Variants in IMMP2L observed in about 807,000 individuals in gnomAD.
IMMP2L encodes the protein inner mitochondrial membrane peptidase subunit 2.
Under a neutral mutation model 19.3 loss-of-function variants are expected in IMMP2L, and 18 were observed. The ratio of observed to expected loss-of-function variants is 0.93; its 90% CI spans 0.64 to 1.38. IMMP2L has a LOEUF of 1.38. IMMP2L is among the 40% of genes most tolerant of loss of function. The probability of loss-of-function intolerance (pLI) is 0.00; values close to 1 mark genes in which losing one functional copy is unlikely to be tolerated. For synonymous variants in IMMP2L, 76 were observed against 73.0 expected, an observed-to-expected ratio of 1.04 and a Z score of -0.21; for missense variants, 233 against 218.2, an observed-to-expected ratio of 1.07 and a Z score of -0.43.
At chr7:111,192,294 T>C (rs1808968770) in intron 3 of IMMP2L, among the ~76,000 whole-genome samples, 1 of 152,164 alleles carries the variant, frequency 6.6e-6, no homozygotes, top group Admixed American at 6.5e-5. Context: ...AAAATAAAAA[T>C]ACTACACCAT....
chr7:110,805,380 A>C (rs1349296472), intron 5 of IMMP2L, among the ~76,000 whole-genome samples: 1 of 152,068 alleles, frequency 6.6e-6, no homozygotes, highest in Non-Finnish European at 1.5e-5. Flanking sequence ...AATTCCTGGA[A>C]TAAAATAGGC....
chr7:111,241,093 T>C (rs919846979), intron 3 of IMMP2L, among the ~76,000 whole-genome samples: 1 of 151,968 alleles, frequency 6.6e-6, no homozygotes, highest in Non-Finnish European at 1.5e-5. Context: ...GTTCGAATGG[T>C]AAATATTGTA....
At chr7:110,909,769 C>T (rs538283332) in intron 4 of IMMP2L, among the ~76,000 whole-genome samples, 6 of 152,228 alleles carry the variant, frequency 3.9e-5, no homozygotes. Flanking sequence ...CCTCTACCTA[C>T]AGTGGGCTCA....
At chr7:111,360,558 C>A (rs540447204) in intron 3 of IMMP2L, among the ~76,000 whole-genome samples, 1 of 152,250 alleles carries the variant, frequency 6.6e-6, no homozygotes, top group East Asian at 1.9e-4. Context: ...TGGCTCTTGC[C>A]TGTAATCCCA....
intron 3 of IMMP2L, among the ~76,000 whole-genome samples, chr7:111,304,468 C>T (rs1367203453): frequency 6.6e-6 from 1 of 151,536 alleles, no homozygotes; most frequent in Non-Finnish European, 1.5e-5. Flanking sequence ...AACGTTCAGC[C>T]ATTTGTAGAA....
At chr7:111,205,556 C>T (rs1586822385) in intron 3 of IMMP2L, among the ~76,000 whole-genome samples, 1 of 152,126 alleles carries the variant, frequency 6.6e-6, no homozygotes, top group East Asian at 1.9e-4. Context: ...TATTTTTCTC[C>T]CTCCTTCCAA....
At chr7:111,391,679 T>C (rs1454503502) in intron 3 of IMMP2L, among the ~76,000 whole-genome samples, 1 of 152,136 alleles carries the variant, frequency 6.6e-6, no homozygotes, top group Non-Finnish European at 1.5e-5. Context: ...CTGCCTTCGT[T>C]TTATACAGAA....
chr7:111,118,431 G>A (rs1416999684), intron 3 of IMMP2L, among the ~76,000 whole-genome samples: 1 of 152,004 alleles, frequency 6.6e-6, no homozygotes, highest in African/African-American at 2.4e-5. Flanking sequence ...AGTGTCCACA[G>A]GAATTGGATA....
intron 3 of IMMP2L, among the ~76,000 whole-genome samples, chr7:111,343,737 A>G (rs1827261273): frequency 6.6e-6 from 1 of 152,134 alleles, no homozygotes; most frequent in Non-Finnish European, 1.5e-5. Context: ...TATTTCCTGC[A>G]CAGAGAATTT....
chr7:111,481,517 T>C (rs1195327959), intron 3 of IMMP2L, among the ~76,000 whole-genome samples: 1 of 151,980 alleles, frequency 6.6e-6, no homozygotes, highest in Non-Finnish European at 1.5e-5. Flanking sequence ...TTAATAAGAA[T>C]CAAATAAAAG....
intron 3 of IMMP2L, among the ~76,000 whole-genome samples, chr7:111,285,237 T>C (rs905623682): frequency 2.0e-5 from 3 of 152,094 alleles, no homozygotes; most frequent in East Asian, 3.9e-4. Flanking sequence ...TTTAGTACAA[T>C]GTAACAGCCT....
At chr7:111,538,785 G>A (rs1194338322) in intron 1 of IMMP2L, among the ~76,000 whole-genome samples, 1 of 143,930 alleles carries the variant, frequency 6.9e-6, no homozygotes, top group Non-Finnish European at 1.5e-5. Flanking sequence ...ACTCCAGCCT[G>A]GGTGACAGAG....
At chr7:111,332,269 A>G (rs1026579964) in intron 3 of IMMP2L, among the ~76,000 whole-genome samples, 2 of 151,952 alleles carry the variant, frequency 1.3e-5, no homozygotes, top group African/African-American at 4.8e-5. Flanking sequence ...AAAGGTTACT[A>G]GAGAAAGAAG....
intron 3 of IMMP2L, among the ~76,000 whole-genome samples, chr7:111,177,528 TATA>T (rs1172273124): frequency 6.6e-6 from 1 of 152,030 alleles, no homozygotes; most frequent in Non-Finnish European, 1.5e-5. Context: ...CCTTCTCTCT[TATA>T]ATGATTAAAC....
At chr7:111,165,109 C>G (rs1207558692) in intron 3 of IMMP2L, among the ~76,000 whole-genome samples, 1 of 152,000 alleles carries the variant, frequency 6.6e-6, no homozygotes, top group African/African-American at 2.4e-5. Context: ...CTGGCAACCT[C>G]CATTCTTTCT....
chr7:111,123,562 T>G lies in IMMP2L; in HGVS notation c.240-159997A>C. The G allele has an allele frequency of 6.2e-7, 1 of 1,613,628 alleles. No individual in the cohort carries two copies. The highest frequency in any genetic ancestry group is 8.5e-7 in the Non-Finnish European group (1 of 1,179,724). On this transcript the variant is annotated intron_variant, in intron 3 of 5. Transcript: ENST00000405709. The surrounding 1 kb of genome is among the most constrained non-coding windows in gnomAD (Gnocchi z 6.4). Reference sequence around the variant, plus strand: ...TCTTCAAAAAGTTGTAAATCTCAAATTTTTGGATCTAAATAAAAATCCTAT... The same window carrying G: ...TCTTCAAAAAGTTGTAAATCTCAAAGTTTTGGATCTAAATAAAAATCCTAT...
In IMMP2L at chr7:111,170,138, G is replaced by C. The variant is rs1032473917; in HGVS notation, c.240-206573C>G. 5.3e-5 allele frequency among the ~76,000 whole-genome samples: 8 copies of C among 151,800 alleles called. No homozygotes were observed. The East Asian group carries it at 1.6e-3, about 30-fold the overall frequency. On this transcript the variant is annotated intron_variant, in intron 3 of 5. Transcript: ENST00000405709. ...GTCAGTATATTTTGGCACATATTAT[G>C]AATTGCCATTTGGAAGAAAAAAACC... is the stretch of plus-strand genomic sequence containing the variant.
intron 3 of IMMP2L, among the ~76,000 whole-genome samples, chr7:111,442,431 A>AT (rs1837838450): frequency 1.3e-5 from 2 of 151,680 alleles, no homozygotes; most frequent in Non-Finnish European, 2.9e-5. Context: ...CAGTTGAATG[A>AT]TTTTCTAGAC....
At chr7:111,277,743 A>G (rs1819256225) in intron 3 of IMMP2L, among the ~76,000 whole-genome samples, 2 of 152,192 alleles carry the variant, frequency 1.3e-5, no homozygotes, top group South Asian at 4.1e-4. Flanking sequence ...TATCTACCCA[A>G]AGAGAAAGAA....
Sources: allele counts gnomAD v4.1 joint callset (sites outside exome capture counted in the v4.1 genomes callset), GRCh38; gene constraint gnomAD v4.1.1; non-coding constraint Gnocchi (gnomAD v3.1); transcripts MANE v1.5; gene names NCBI Gene and HGNC (gene_info 2026-07-23, HGNC 2026-07-21).